Variants in GLG1 observed in about 807,000 individuals in gnomAD.
GLG1 encodes golgi glycoprotein 1.
A neutral mutation model predicts 160.5 loss-of-function variants in GLG1; 38 were observed. The ratio of observed to expected loss-of-function variants is 0.24; its 90% confidence interval spans 0.18 to 0.31. The LOEUF (loss-of-function observed/expected upper bound fraction) is 0.31. Ranked by LOEUF, GLG1 falls within the 10% of genes least tolerant of loss-of-function variation. The probability of loss-of-function intolerance (pLI) is 1.00; values close to 1 mark genes in which losing one functional copy is unlikely to be tolerated. For missense variants in GLG1, 1,373 were observed against 1,505.2 expected, an observed-to-expected ratio of 0.91 and a Z score of 1.45; for synonymous variants, 644 against 543.4, an observed-to-expected ratio of 1.19 and a Z score of -2.57.
chr16:74,583,159 G>T (rs1957975114), intron 1 of GLG1, among the ~76,000 whole-genome samples: 1 of 152,088 alleles, frequency 6.6e-6, no homozygotes, highest in South Asian at 2.1e-4. Flanking sequence ...CTCAGTCCTT[G>T]GAATCATAGT....
intron 2 of GLG1, among the ~76,000 whole-genome samples, chr16:74,527,583 G>C (rs1300603047): frequency 6.6e-6 from 1 of 151,954 alleles, no homozygotes; most frequent in Non-Finnish European, 1.5e-5. Context: ...AAGAATAATA[G>C]TCATACGTAT....
rs546655502 is a variant in GLG1, at chr16:74,452,235, T to C, written c.*932A>G. 22 of 1,535,626 alleles carry C rather than the reference T, an allele frequency of 1.4e-5. No individual in the cohort carries two copies. The highest frequency in any genetic ancestry group is 5.5e-5 in the African/African-American group (4 of 73,150). On this transcript the variant is annotated 3_prime_UTR_variant, in exon 26 of 26. Transcript: ENST00000422840. ...CCCCTCCCGCCACAGTCCTGCCTCCTGATGAAGCGCAGAGCTTCCAGAGTG... is the reference window on the plus strand; with the variant it reads ...CCCCTCCCGCCACAGTCCTGCCTCCCGATGAAGCGCAGAGCTTCCAGAGTG...
At chr16:74,559,320 G>A (rs1250834380) in intron 1 of GLG1, among the ~76,000 whole-genome samples, 5 of 151,572 alleles carry the variant, frequency 3.3e-5, no homozygotes, top group African/African-American at 1.2e-4. Context: ...GTGTGCAACT[G>A]TAATCCAAGC....
In GLG1 at chr16:74,537,941, C is replaced by T. The variant is rs546902134; in HGVS notation, c.439-5788G>A. On this transcript the variant is annotated intron_variant, in intron 1 of 25. Coordinates refer to ENST00000422840, the MANE Select transcript of GLG1 (RefSeq NM_001145667.2). ...GGAACTATGATTTCCCCAAGGTGAACAGGCTGAGTTAATGAGTCTGGAAGG... is the reference window on the plus strand; with the variant it reads ...GGAACTATGATTTCCCCAAGGTGAATAGGCTGAGTTAATGAGTCTGGAAGG... Among the ~76,000 whole-genome samples, 25 of 152,264 alleles carry T rather than the reference C, an allele frequency of 1.6e-4. 1 individual carries two copies. Among genetic ancestry groups the T allele is most frequent in the Admixed American group, 3.9e-4 (6 of 15,290 alleles).
chr16:74,462,358 C>A, intron 21 of GLG1, 130 bp downstream of exon 21: 1 of 892,134 alleles, frequency 1.1e-6, no homozygotes. Context: ...GGCCCCTTAG[C>A]CCCCCAGGTT....
At chr16:74,515,308 T>C (rs2016944660) in intron 2 of GLG1, among the ~76,000 whole-genome samples, 1 of 152,232 alleles carries the variant, frequency 6.6e-6, no homozygotes, top group African/African-American at 2.4e-5. Flanking sequence ...AATAGACATC[T>C]ACAGAACTCT....
intron 4 of GLG1, 40 bp from the exon 5 acceptor site, chr16:74,496,684 A>C: frequency 1.6e-6 from 2 of 1,282,164 alleles, no homozygotes; most frequent in Non-Finnish European, 2.3e-6. Flanking sequence ...AACTTTTATC[A>C]CATGGGTTTC....
At chr16:74,455,621 TCTTGA>T (rs1275227056) in intron 25 of GLG1, among the ~76,000 whole-genome samples, 1 of 152,194 alleles carries the variant, frequency 6.6e-6, no homozygotes, top group East Asian at 1.9e-4. Context: ...TGATTGTTCC[TCTTGA>T]CTTGTTACCC....
intron 23 of GLG1, chr16:74,458,274 A>G (rs1046358561): frequency 3.3e-6 from 1 of 303,720 alleles, no homozygotes; most frequent in Non-Finnish European, 6.2e-6. Context: ...CCCGTATGTC[A>G]TGTCGTATCA....
chr16:74,502,313 T>C (rs932139138), intron 4 of GLG1, among the ~76,000 whole-genome samples: 1 of 152,174 alleles, frequency 6.6e-6, no homozygotes, highest in Non-Finnish European at 1.5e-5. Flanking sequence ...TGTGACCTTC[T>C]GTTCAGCAGA....
chr16:74,521,680 A>G (rs941639738), intron 2 of GLG1, among the ~76,000 whole-genome samples: 3 of 152,184 alleles, frequency 2.0e-5, no homozygotes, highest in African/African-American at 4.8e-5. Flanking sequence ...ATCAGCAGCT[A>G]AAGTCTGAGG....
Position 74,496,459 on chromosome 16 carries a change from C to A in GLG1, c.960G>T (p.Arg320=). Residue 320 remains arginine, a synonymous_variant, in exon 5 of 26, where the codon CGG becomes CGT. Transcript: ENST00000422840. ...GACTCACATTTTCACAAAAACGCTC[C>A]CGATCATCTCGGCAAGCAAAATATA... The part of the protein sequence containing the change: ...RHLYFACRDD[R]ERFCENTQAG... 1 of 1,612,914 alleles carries A rather than the reference C, an allele frequency of 6.2e-7. No individual in the cohort carries two copies. Among genetic ancestry groups the A allele is most frequent in the Non-Finnish European group, 8.5e-7 (1 of 1,179,040 alleles).
In GLG1 at chr16:74,600,755, C is replaced by CA. The variant is rs1329657642; in HGVS notation, c.438+5901dup. 8.5e-4 allele frequency among the ~76,000 whole-genome samples: 97 copies of CA among 114,724 alleles called. 1 individual carries two copies. Among genetic ancestry groups the CA allele is most frequent in the Non-Finnish European group, 2.6e-4 (14 of 53,784 alleles). 75.3% of individuals were successfully genotyped at this position (114,724 alleles called of 152,430 possible). Reference sequence around the variant, plus strand: ...TCAAAAAAAAAAAAAAAAAAAAAAACAAAAAAAAACAGTGACAGAAATTTC... The same window carrying CA: ...TCAAAAAAAAAAAAAAAAAAAAAAACAAAAAAAAAACAGTGACAGAAATTTC... On this transcript the variant is annotated intron_variant, in intron 1 of 25. Coordinates refer to ENST00000422840, the MANE Select transcript of GLG1 (RefSeq NM_001145667.2).
intron 15 of GLG1, among the ~76,000 whole-genome samples, chr16:74,470,775 G>A (rs1044519881): frequency 2.0e-5 from 3 of 147,088 alleles, no homozygotes; most frequent in African/African-American, 5.1e-5. Context: ...TGTTGTTGCT[G>A]TTGAGATGGA....
intron 1 of GLG1, among the ~76,000 whole-genome samples, chr16:74,594,970 C>T (rs763323071): frequency 5.3e-5 from 8 of 152,150 alleles, no homozygotes; most frequent in Middle Eastern, 3.4e-3. Context: ...GGGCAGATCA[C>T]GAGGTCAGGA....
intron 3 of GLG1, among the ~76,000 whole-genome samples, chr16:74,505,031 G>C (rs1367368411): frequency 6.6e-6 from 1 of 152,218 alleles, no homozygotes; most frequent in Non-Finnish European, 1.5e-5. Context: ...AGTTAAATGG[G>C]AATGTTTATT....
At chr16:74,589,011 G>C (rs950626885) in intron 1 of GLG1, among the ~76,000 whole-genome samples, 1 of 151,842 alleles carries the variant, frequency 6.6e-6, no homozygotes, top group Non-Finnish European at 1.5e-5. Context: ...GGAGGCTGAG[G>C]GGGGTGGATA....
intron 2 of GLG1, among the ~76,000 whole-genome samples, chr16:74,523,822 C>T (rs2017249416): frequency 6.6e-6 from 1 of 152,112 alleles, no homozygotes; most frequent in African/African-American, 2.4e-5. Context: ...TAAGTACTTG[C>T]TGGTCCATTT....
chr16:74,469,218 A>G, intron 16 of GLG1, 155 bp from the exon 17 acceptor site: 2 of 612,740 alleles, frequency 3.3e-6, no homozygotes, highest in South Asian at 1.9e-5. Context: ...TCAGGGTGCT[A>G]AAAGCTGCAA....
Sources: allele counts gnomAD v4.1 joint callset (sites outside exome capture counted in the v4.1 genomes callset), GRCh38; gene constraint gnomAD v4.1.1; transcripts MANE v1.5; gene names NCBI Gene and HGNC (gene_info 2026-07-23, HGNC 2026-07-21).